The following PREB variants were observed in gnomAD, a reference collection of about 807,000 sequenced individuals.
PREB encodes guanine nucleotide-exchange factor SEC12.
Under a neutral mutation model 46.7 loss-of-function variants are expected in PREB, and 29 were observed. That is an observed-to-expected ratio of 0.62 (90% CI 0.46 to 0.85). PREB has a LOEUF of 0.85. Ranked by LOEUF, PREB falls within the 40% of genes least tolerant of loss-of-function variation. PREB has a pLI of 0.00. For synonymous variants in PREB, 224 were observed against 220.1 expected, an observed-to-expected ratio of 1.02 and a Z score of -0.16; for missense variants, 494 against 528.4, an observed-to-expected ratio of 0.93 and a Z score of 0.64.
Position 27,133,555 on chromosome 2 carries a change from T to C in PREB, c.302A>G (p.Gln101Arg), listed in dbSNP as rs758743599. 5 of 1,613,954 alleles carry C rather than the reference T, an allele frequency of 3.1e-6. No individual in the cohort carries two copies. The South Asian group carries it at 5.5e-5, about 18-fold the overall frequency. Residue 101 changes from glutamine (Q) to arginine (R), a missense_variant, in exon 2 of 9, where the codon CAG becomes CGG. Gln to Arg is a conservative substitution (Grantham distance 43, BLOSUM62 1). Coordinates refer to ENST00000260643, the MANE Select transcript of PREB (RefSeq NM_013388.6). ...ACCGGCCTTCTCTGCCTTGTTGCCCTGCTGTTGATGTGCCTGGAAGCGCAG... is the reference window on the plus strand; with the variant it reads ...ACCGGCCTTCTCTGCCTTGTTGCCCCGCTGTTGATGTGCCTGGAAGCGCAG... ...QLLRFQAHQQQGNKAEKAGSK... is the reference protein window; with the variant it reads ...QLLRFQAHQQRGNKAEKAGSK...
Position 27,134,634 on chromosome 2 carries a change from A to C in PREB, c.-213T>G. ...GTCCAAGTCGGTCTCGCAGACGCGC[A>C]CTGCGCATGCGCACCTGTCTCGCGG... On this transcript the variant is annotated 5_prime_UTR_variant, in exon 1 of 9. Coordinates refer to ENST00000260643, the MANE Select transcript of PREB (RefSeq NM_013388.6). 1 of 1,261,108 alleles carries C rather than the reference A, an allele frequency of 7.9e-7. No homozygotes were observed. Among genetic ancestry groups the C allele is most frequent in the South Asian group, 2.4e-5 (1 of 40,968 alleles). 78.1% of individuals were successfully genotyped at this position (1,261,108 alleles called of 1,614,324 possible). A position where few individuals can be genotyped will look rare whatever the true frequency, so the allele number is the denominator to read the frequency against.
rs1386109496 is a variant in PREB at position 27,133,193 on chromosome 2, T to TGCAGTGG, written c.463_469dup (p.Gln157ProfsTer12). On this transcript the variant is annotated frameshift_variant, in exon 3 of 9. Transcript: ENST00000260643. LOFTEE classifies it high-confidence loss of function. The stretch of plus-strand genomic sequence containing the variant: ...ATCGTGGTTGAAGCACACAACTTTC[T>TGCAGTGG]GCAGTGGATCGGAGCTAAAGTCTGT... 1.3e-5 allele frequency: 21 copies of TGCAGTGG among 1,614,130 alleles called. No individual in the cohort carries two copies. The highest frequency in any genetic ancestry group is 1.8e-5 in the Non-Finnish European group (21 of 1,180,058).
At chr2:27,133,083 G>C (rs751101016) in intron 3 of PREB, 34 bp downstream of exon 3, 2 of 1,605,330 alleles carry the variant, frequency 1.2e-6, no homozygotes, top group South Asian at 1.1e-5. Flanking sequence ...TGTTGCTACT[G>C]ACATTCACCC....
chr2:27,132,276 G>A lies in PREB; in HGVS notation c.880C>T (p.Arg294Trp), dbSNP rs145736506. The A allele has an allele frequency of 2.5e-5, 41 of 1,614,038 alleles. No homozygotes were observed. The highest frequency in any genetic ancestry group is 9.9e-5 in the South Asian group (9 of 91,086). Residue 294 changes from arginine to tryptophan, a missense_variant, in exon 6 of 9, where the codon CGG becomes TGG. Arg to Trp is a moderately radical substitution (Grantham distance 101, BLOSUM62 -3). Transcript: ENST00000260643. This position sits in a 1 kb window ranked among gnomAD's most constrained non-coding sequence, Gnocchi z 4.0. The stretch of plus-strand genomic sequence containing the variant: ...ACTTCATGGCCACAGGACTTGGTCC[G>A]AAGGGGCAAGAAGTTGGAGCCATCC... ...AWDGSNFLPLRTKSCGHEVVS... is the reference protein window; with the variant it reads ...AWDGSNFLPLWTKSCGHEVVS...
Position 27,130,831 on chromosome 2 carries a change from C to A in PREB, c.*583G>T. On this transcript the variant is annotated 3_prime_UTR_variant, in exon 9 of 9. Coordinates refer to ENST00000260643, the MANE Select transcript of PREB (RefSeq NM_013388.6). The stretch of plus-strand genomic sequence containing the variant: ...TGCCTAATGGGCTGAGGTTCATTTT[C>A]CCATTCCTCAAGGTAAGGGTAGACT... 6.9e-7 allele frequency: 1 copy of A among 1,457,260 alleles called. No individual in the cohort carries two copies. The highest frequency in any genetic ancestry group is 9.5e-7 in the Non-Finnish European group (1 of 1,056,284). 90.3% of individuals were successfully genotyped at this position (1,457,260 alleles called of 1,614,324 possible). A position where few individuals can be genotyped will look rare whatever the true frequency, so the allele number is the denominator to read the frequency against.
intron 1 of PREB, chr2:27,134,069 T>C (rs1672396769): frequency 4.4e-6 from 3 of 681,346 alleles, no homozygotes; most frequent in Non-Finnish European, 7.2e-6. Context: ...CTGGCGACTC[T>C]GCAGCTGTGT....
intron 8 of PREB, 61 bp from the exon 9 acceptor site, chr2:27,131,569 AC>A (rs1266587860): frequency 1.9e-6 from 3 of 1,597,848 alleles, no homozygotes; most frequent in Non-Finnish European, 2.6e-6. Flanking sequence ...GAAAACCAGA[AC>A]CCTTCAAAGG....
In PREB at chr2:27,132,812, C is replaced by T; in HGVS notation, c.627+31G>A. The T allele has an allele frequency of 6.2e-7, 1 of 1,613,478 alleles. No individual in the cohort carries two copies. The highest frequency in any genetic ancestry group is 8.5e-7 in the Non-Finnish European group (1 of 1,179,540). On this transcript the variant is annotated intron_variant, in intron 4 of 8. Coordinates refer to ENST00000260643, the MANE Select transcript of PREB (RefSeq NM_013388.6). The surrounding 1 kb of genome is among the most constrained non-coding windows in gnomAD (Gnocchi z 4.0). ...AGCATAAGCACCTCCTCTCTCCTTT[C>T]TCCATCCTCCTCCCACCCCCAGCCC...
Position 27,133,203 on chromosome 2 carries a change from C to T in PREB, c.460G>A (p.Asp154Asn), listed in dbSNP as rs747127793. ...AAGCACACAACTTTCTGCAGTGGAT[C>T]GGAGCTAAAGTCTGTCTGCACCGCC... ...LQAVQTDFSS[D>N]PLQKVVCFNH... is the part of the protein sequence containing the mutation. The change falls in exon 3 of 9, where the codon GAT (aspartate) becomes AAT (asparagine). Residue 154 changes from aspartate (D) to asparagine (N), a missense_variant. Transcript: ENST00000260643. 31 of 1,614,060 alleles carry T rather than the reference C, an allele frequency of 1.9e-5. No homozygotes were observed. The highest frequency in any genetic ancestry group is 2.5e-5 in the Non-Finnish European group (30 of 1,180,030).
chr2:27,132,670 T>G lies in PREB; in HGVS notation c.685A>C (p.Thr229Pro). Residue 229 changes from threonine to proline, a missense_variant, in exon 5 of 9, where the codon ACA becomes CCA. Physicochemically the swap from Thr to Pro is conservative, Grantham distance 38. Coordinates refer to ENST00000260643, the MANE Select transcript of PREB (RefSeq NM_013388.6). The surrounding 1 kb of genome is among the most constrained non-coding windows in gnomAD (Gnocchi z 4.0). ...ASVWQKDQLV[T>P]QLHWQENGPT... ...CCATTTTCTTGCCAGTGCAGCTGTG[T>G]CACCAGCTGATCCTTCTGCCACACA... 1 of 1,614,014 alleles carries G rather than the reference T, an allele frequency of 6.2e-7. No individual in the cohort carries two copies. The highest frequency in any genetic ancestry group is 8.5e-7 in the Non-Finnish European group (1 of 1,179,898).
chr2:27,134,076 G>C, intron 1 of PREB: 2 of 697,100 alleles, frequency 2.9e-6, no homozygotes, highest in Non-Finnish European at 4.7e-6. Flanking sequence ...CTCTGCAGCT[G>C]TGTGCAGTTT....
rs918165363 is a variant in PREB, at chr2:27,134,603, G to C, written c.-182C>G. 8.2e-6 allele frequency: 11 copies of C among 1,335,646 alleles called. No homozygotes were observed. The highest frequency in any genetic ancestry group is 8.6e-6 in the Non-Finnish European group (9 of 1,048,798). The allele number at this position is 1,335,646 out of a possible 1,614,324, so 82.7% of individuals were successfully genotyped here. On this transcript the variant is annotated 5_prime_UTR_variant, in exon 1 of 9. Coordinates refer to ENST00000260643, the MANE Select transcript of PREB (RefSeq NM_013388.6). ...TCAGCAGGAAGCCGAGCCTCAGCTC[G>C]GCTCCGTCCAAGTCGGTCTCGCAGA...
In PREB at chr2:27,132,061, G is replaced by A. The variant is rs1244661281; in HGVS notation, c.948C>T (p.Gly316=). 1.9e-6 allele frequency: 3 copies of A among 1,614,134 alleles called. No individual in the cohort carries two copies. The highest frequency in any genetic ancestry group is 2.2e-5 in the East Asian group (1 of 44,884). The part of the protein sequence containing the change: ...LDVSESGTFL[G]LGTVTGSVAI... ...CAACAGAGCCAGTGACTGTGCCCAG[G>A]CCTAGGAAGGTGCCGGATTCACTGC... The change falls in exon 7 of 9, where the codon GGC becomes GGT. Residue 316 remains glycine, a synonymous_variant. Transcript: ENST00000260643. The surrounding 1 kb of genome is among the most constrained non-coding windows in gnomAD (Gnocchi z 4.0).
In PREB at chr2:27,132,200, C is replaced by T; in HGVS notation, c.926+30G>A. 6.2e-7 allele frequency: 1 copy of T among 1,613,874 alleles called. No individual in the cohort carries two copies. The highest frequency in any genetic ancestry group is 8.5e-7 in the Non-Finnish European group (1 of 1,179,746). On this transcript the variant is annotated intron_variant, in intron 6 of 8. Transcript: ENST00000260643. This position sits in a 1 kb window ranked among gnomAD's most constrained non-coding sequence, Gnocchi z 4.0. ...CTTTCCAAGCTCCCTCAGGGACCCC[C>T]TACCTAGCCAAGGCAGCAATGTCTC... is the stretch of plus-strand genomic sequence containing the variant.
At position 27,132,492 on chromosome 2, in the gene PREB, T is replaced by C. The variant is rs1228676390; in HGVS notation, c.753-89A>G. On this transcript the variant is annotated intron_variant, in intron 5 of 8. Coordinates refer to ENST00000260643, the MANE Select transcript of PREB (RefSeq NM_013388.6). The surrounding 1 kb of genome is among the most constrained non-coding windows in gnomAD (Gnocchi z 4.0). ...GCACCACCTGCACCCTGGTCAGACC[T>C]GGGGTAACACTCAACAAGTTCCTCC... 6 of 1,590,488 alleles carry C rather than the reference T, an allele frequency of 3.8e-6. No individual in the cohort carries two copies. The highest frequency in any genetic ancestry group is 5.1e-6 in the Non-Finnish European group (6 of 1,166,422).
intron 1 of PREB, 148 bp from the exon 2 acceptor site, chr2:27,133,869 A>AG: frequency 4.7e-6 from 3 of 633,200 alleles, no homozygotes; most frequent in South Asian, 5.3e-5. Flanking sequence ...GGGCCTCACA[A>AG]ATCTACACAG....
chr2:27,133,317 G>A lies in PREB; in HGVS notation c.346C>T (p.Arg116Ter), dbSNP rs771738482. The A allele has an allele frequency of 3.7e-6, 6 of 1,613,940 alleles. No homozygotes were observed. The Admixed American group carries it at 6.7e-5, about 18-fold the overall frequency. The stretch of plus-strand genomic sequence containing the variant: ...GCTGGGGCTGCTCCCTTCCTTTGTC[G>A]AGGCCCCTGCTCCTTGGAACCTGTA... Reference protein sequence around the residue: ...EKAGSKEQGPRQRKGAAPAEK... With the variant: ...EKAGSKEQGP Residue 116 changes from arginine (R) to a stop codon, truncating the protein, a stop_gained, in exon 3 of 9, where the codon CGA becomes TGA. Coordinates refer to ENST00000260643, the MANE Select transcript of PREB (RefSeq NM_013388.6). LOFTEE classifies it high-confidence loss of function.
rs1672354090 is a variant in PREB, at chr2:27,133,150, A to C, written c.513T>G (p.Thr171=). 1 of 1,614,194 alleles carries C rather than the reference A, an allele frequency of 6.2e-7. No homozygotes were observed. The highest frequency in any genetic ancestry group is 8.5e-7 in the Non-Finnish European group (1 of 1,180,038). Residue 171 remains threonine, a synonymous_variant, in exon 3 of 9, where the codon ACT becomes ACG. Transcript: ENST00000260643. ...CACGGACGTAGCCATCTGTTCCTCC[A>C]GTGGCAAGCAGGGTATTATCGTGGT... is the stretch of plus-strand genomic sequence containing the variant. ...CFNHDNTLLA[T]GGTDGYVRVW... is the part of the protein sequence containing the mutation.
At chr2:27,131,584 A>C (rs1262875238) in intron 8 of PREB, 76 bp from the exon 9 acceptor site, 1 of 1,593,890 alleles carries the variant, frequency 6.3e-7, no homozygotes, top group Admixed American at 1.7e-5. Flanking sequence ...TCAAAGGAGG[A>C]GTGGCACAAA....
Sources: gnomAD v4.1 joint callset for allele counts on GRCh38, gnomAD v4.1.1 for gene constraint, Gnocchi (gnomAD v3.1) non-coding constraint, MANE v1.5 for transcripts, NCBI Gene and HGNC (gene_info 2026-07-23, HGNC 2026-07-21) for gene names.